PIAS2: variants seen among roughly 807,000 people sequenced by gnomAD.
The protein encoded by PIAS2 is E3 SUMO-protein ligase PIAS2.
In PIAS2, 19 loss-of-function variants were observed where a neutral mutation model predicts 69.7. The observed-to-expected ratio is 0.27, with a 90% CI of 0.19 to 0.40. The LOEUF (loss-of-function observed/expected upper bound fraction) is 0.40, where lower values mean the gene tolerates loss of function less well. Ranked by LOEUF, PIAS2 falls within the 10% of genes least tolerant of loss-of-function variation. The probability of loss-of-function intolerance (pLI) is 1.00; values close to 1 mark genes in which losing one functional copy is unlikely to be tolerated. For missense variants in PIAS2, 624 were observed against 757.0 expected (o/e 0.82, Z 2.06); for synonymous variants, 261 against 263.2 (o/e 0.99, Z 0.08).
intron 8 of PIAS2, among the ~76,000 whole-genome samples, chr18:46,837,597 T>C (rs79796823): frequency 0.056 from 8,572 of 152,304 alleles, 519 homozygotes; most frequent in African/African-American, 0.14. Flanking sequence ...ATTTTTCATT[T>C]ATGAAAATTT....
intron 2 of PIAS2, among the ~76,000 whole-genome samples, chr18:46,870,550 A>T (rs2050184872): frequency 7.9e-6 from 1 of 125,968 alleles, no homozygotes; most frequent in African/African-American, 3.0e-5. Context: ...CAGGAGGTGG[A>T]GCTTGCCGTG....
chr18:46,839,193 AT>A (rs1002519429), intron 8 of PIAS2, among the ~76,000 whole-genome samples: 2 of 152,194 alleles, frequency 1.3e-5, no homozygotes, highest in Non-Finnish European at 2.9e-5. Flanking sequence ...TAAACTTATT[AT>A]TAAATTACAC....
Position 46,805,925 on chromosome 18 carries a change from C to T in PIAS2, c.*6508G>A, listed in dbSNP as rs2040664626. 6.6e-6 allele frequency: 1 copy of T among 152,152 alleles called. No homozygotes were observed. The highest frequency in any genetic ancestry group is 1.5e-5 in the Non-Finnish European group (1 of 68,042). 9.4% of individuals were successfully genotyped at this position (152,152 alleles called of 1,614,324 possible). A position where few individuals can be genotyped will look rare whatever the true frequency, so the allele number is the denominator to read the frequency against. ...ATGATTCGTCTTCACTCTAAACTGCCTCCTGTCTCTGTAGATAGTGCCATT... is the reference window on the plus strand; with the variant it reads ...ATGATTCGTCTTCACTCTAAACTGCTTCCTGTCTCTGTAGATAGTGCCATT... On this transcript the variant is annotated 3_prime_UTR_variant, in exon 14 of 14. Coordinates refer to ENST00000585916, the MANE Select transcript of PIAS2 (RefSeq NM_004671.5).
At chr18:46,892,724 TG>T (rs1307647027) in intron 1 of PIAS2, among the ~76,000 whole-genome samples, 2 of 152,102 alleles carry the variant, frequency 1.3e-5, no homozygotes, top group African/African-American at 4.8e-5. Context: ...CAGTGAACTG[TG>T]ATCACACCAC....
intron 3 of PIAS2, 71 bp downstream of exon 3, chr18:46,864,093 T>C: frequency 1.1e-6 from 1 of 874,082 alleles, no homozygotes; most frequent in African/African-American, 1.7e-5. Context: ...GTCTGTGAAA[T>C]TTTGTTATGG....
chr18:46,902,807 T>C (rs1418343203), intron 1 of PIAS2, among the ~76,000 whole-genome samples: 1 of 152,156 alleles, frequency 6.6e-6, no homozygotes, highest in Admixed American at 6.5e-5. Flanking sequence ...AATCAATCTA[T>C]CCCATTTTAC....
intron 2 of PIAS2, among the ~76,000 whole-genome samples, chr18:46,865,522 CAAAAAAAA>C (rs11321908): frequency 1.8e-5 from 2 of 108,260 alleles, no homozygotes; most frequent in Non-Finnish European, 3.9e-5. Context: ...CGATAGTCTT[CAAAAAAAA>C]AAAAAAAAAA....
At chr18:46,856,001 T>TG in intron 3 of PIAS2, among the ~76,000 whole-genome samples, 1 of 114,520 alleles carries the variant, frequency 8.7e-6, no homozygotes, top group African/African-American at 3.2e-5. Flanking sequence ...TCTTTTGTTT[T>TG]TTTTTTTTTT....
At position 46,844,797 on chromosome 18, in the gene PIAS2, C is replaced by T; in HGVS notation, c.904G>A (p.Ala302Thr). The T allele has an allele frequency of 2.0e-6, 3 of 1,484,324 alleles. No homozygotes were observed. Among genetic ancestry groups the T allele is most frequent in the Non-Finnish European group, 2.7e-6 (3 of 1,119,232 alleles). The allele number at this position is 1,484,324 out of a possible 1,614,324, so 91.9% of individuals were successfully genotyped here. A position where few individuals can be genotyped will look rare whatever the true frequency, so the allele number is the denominator to read the frequency against. The part of the protein sequence containing the change: ...SVYLVRQLTS[A>T]MLLQRLKMKG... ...ATTTTTAATCTCTGTAATAACATGG[C>T]TGATGTAAGCTGCCGTACAAGATAT... is the stretch of plus-strand genomic sequence containing the variant. Residue 302 changes from alanine (A) to threonine (T), a missense_variant, in exon 7 of 14, where the codon GCC becomes ACC. This residue lies in a region of PIAS2 where 339 missense variants were observed against 408.8 expected (regional missense o/e 0.83). Transcript: ENST00000585916.
intron 3 of PIAS2, among the ~76,000 whole-genome samples, chr18:46,856,406 A>G (rs2047842041): frequency 6.6e-6 from 1 of 152,084 alleles, no homozygotes; most frequent in African/African-American, 2.4e-5. Flanking sequence ...TCTAATATAG[A>G]CCCAGGATAA....
chr18:46,856,309 T>A (rs2047826260), intron 3 of PIAS2, among the ~76,000 whole-genome samples: 1 of 152,068 alleles, frequency 6.6e-6, no homozygotes, highest in African/African-American at 2.4e-5. Flanking sequence ...CAAAGACTTT[T>A]CTTTTACTAT....
intron 2 of PIAS2, among the ~76,000 whole-genome samples, chr18:46,868,560 C>T (rs183321234): frequency 3.3e-5 from 5 of 149,694 alleles, no homozygotes; most frequent in Admixed American, 6.6e-5. Context: ...TAGATTGTGC[C>T]GTCTGACTCC....
At chr18:46,852,759 G>A (rs1354159914) in intron 5 of PIAS2, 10 of 152,200 alleles carry the variant, frequency 6.6e-5, no homozygotes, top group Admixed American at 2.6e-4. Context: ...TTCTGGTAAC[G>A]TCTATGTTTA....
intron 2 of PIAS2, among the ~76,000 whole-genome samples, chr18:46,886,854 A>C (rs914478641): frequency 1.3e-5 from 2 of 152,104 alleles, no homozygotes; most frequent in South Asian, 2.1e-4. Context: ...CCAAAAAAAA[A>C]CAAATAAAAT....
intron 1 of PIAS2, among the ~76,000 whole-genome samples, chr18:46,904,983 T>A (rs1047531412): frequency 1.3e-5 from 2 of 152,176 alleles, no homozygotes; most frequent in Non-Finnish European, 2.9e-5. Context: ...AACTCTGCTC[T>A]CTTAATAAAA....
chr18:46,876,677 A>C (rs1473519699), intron 2 of PIAS2, among the ~76,000 whole-genome samples: 1 of 150,610 alleles, frequency 6.6e-6, no homozygotes, highest in East Asian at 1.9e-4. Context: ...AAAATTCAGG[A>C]ATAAATGATC....
intron 8 of PIAS2, among the ~76,000 whole-genome samples, chr18:46,842,500 G>A (rs1031849139): frequency 2.6e-5 from 4 of 152,208 alleles, no homozygotes; most frequent in Admixed American, 6.5e-5. Context: ...ATGGTGACAC[G>A]AGTTTCCTCC....
chr18:46,841,379 G>T (rs1599609636), intron 8 of PIAS2, among the ~76,000 whole-genome samples: 1 of 152,072 alleles, frequency 6.6e-6, no homozygotes, highest in Non-Finnish European at 1.5e-5. Context: ...TTATTTAAGT[G>T]CCTGGGATTT....
chr18:46,891,835 C>T (rs1029419676), intron 1 of PIAS2, among the ~76,000 whole-genome samples: 4 of 152,252 alleles, frequency 2.6e-5, no homozygotes, highest in African/African-American at 4.8e-5. Context: ...TCACATCACA[C>T]CTTCTATTTT....
Sources: gnomAD v4.1 joint callset for allele counts (sites outside exome capture counted in the v4.1 genomes callset) on GRCh38, gnomAD v4.1.1 for gene constraint, gnomAD v4.1.1 regional missense constraint, MANE v1.5 for transcripts, NCBI Gene and HGNC (gene_info 2026-07-23, HGNC 2026-07-21) for gene names.